Variants in MOB1B observed in about 807,000 individuals in gnomAD.
The protein encoded by MOB1B is MOB kinase activator 1B.
Under a neutral mutation model 24.4 loss-of-function variants are expected in MOB1B, and 19 were observed. That is an observed-to-expected ratio of 0.78 (90% confidence interval 0.54 to 1.14). The LOEUF is 1.14. Among genes scored for constraint, MOB1B ranks in the 50% most tolerant of loss-of-function variants. The probability of loss-of-function intolerance (pLI) is 0.00; values close to 1 mark genes in which losing one functional copy is unlikely to be tolerated. For missense variants in MOB1B, 243 were observed against 259.6 expected, an observed-to-expected ratio of 0.94 and a Z score of 0.44; for synonymous variants, 76 against 82.1, an observed-to-expected ratio of 0.93 and a Z score of 0.40.
At chr4:70,911,029 G>A (rs900190765) in intron 1 of MOB1B, among the ~76,000 whole-genome samples, 4 of 152,120 alleles carry the variant, frequency 2.6e-5, no homozygotes, top group Non-Finnish European at 4.4e-5. Context: ...CTTGTGATCC[G>A]CCCGCCTTGG....
chr4:70,961,224 T>C (rs1407298651), intron 2 of MOB1B, among the ~76,000 whole-genome samples: 3 of 152,198 alleles, frequency 2.0e-5, no homozygotes, highest in Non-Finnish European at 4.4e-5. Flanking sequence ...GAATATAGTC[T>C]CTCTCTTTCA....
chr4:70,915,996 A>G (rs995850155), intron 1 of MOB1B, among the ~76,000 whole-genome samples: 4 of 151,704 alleles, frequency 2.6e-5, no homozygotes, highest in Admixed American at 2.6e-4. Context: ...GCTGTCAGGA[A>G]TGTTTGTTAC....
At chr4:70,976,586 T>G (rs1739005761) in intron 4 of MOB1B, 3 of 985,112 alleles carry the variant, frequency 3.0e-6, no homozygotes, top group Non-Finnish European at 3.6e-6. Context: ...GCTAAGAATC[T>G]GCTCCTGTAA....
At position 70,970,022 on chromosome 4, in the gene MOB1B, A is replaced by G. The variant is rs1738694692; in HGVS notation, c.273A>G (p.Pro91=). The change falls in exon 3 of 6, where the codon CCA becomes CCG. Residue 91 remains proline (P), a splice_region_variant and synonymous_variant. Transcript: ENST00000309395. Reference sequence around the variant, plus strand: ...GTTGTCCAGTGATGTCAGCTGGCCCAAAGTAAGACATAGTTAATGATCAGT... The same window carrying G: ...GTTGTCCAGTGATGTCAGCTGGCCCGAAGTAAGACATAGTTAATGATCAGT... ...EESCPVMSAG[P]KYEYHWADGT... is the part of the protein sequence containing the mutation. The G allele has an allele frequency of 6.5e-7, 1 of 1,530,718 alleles. No homozygotes were observed. Among genetic ancestry groups the G allele is most frequent in the Non-Finnish European group, 9.0e-7 (1 of 1,114,498 alleles). The allele number at this position is 1,530,718 out of a possible 1,614,324, so 94.8% of individuals were successfully genotyped here.
upstream of MOB1B, among the ~76,000 whole-genome samples, chr4:70,902,033 G>A (rs972792131): frequency 6.6e-6 from 1 of 152,124 alleles, no homozygotes; most frequent in African/African-American, 2.4e-5. Flanking sequence ...TGACATCCCC[G>A]AGCTGAAGCC....
chr4:70,922,248 A>G (rs1384962744), intron 1 of MOB1B, among the ~76,000 whole-genome samples: 1 of 152,222 alleles, frequency 6.6e-6, no homozygotes, highest in African/African-American at 2.4e-5. Flanking sequence ...TATCACAACC[A>G]TTTCTTAGTT....
At chr4:70,957,259 CAA>C (rs1247828205) in intron 1 of MOB1B, among the ~76,000 whole-genome samples, 76 of 63,526 alleles carry the variant, frequency 1.2e-3, no homozygotes, top group African/African-American at 3.1e-3. Context: ...GACTATGTCT[CAA>C]AAAAAAAAAA....
At chr4:70,938,313 G>GC (rs1737168980) in intron 1 of MOB1B, among the ~76,000 whole-genome samples, 3 of 2,318 alleles carry the variant, frequency 1.3e-3, no homozygotes, top group East Asian at 4.8e-3. Context: ...CAGATTTGCC[G>GC]CCCCCGCCCC....
chr4:70,916,962 C>T (rs1157042046), intron 1 of MOB1B, among the ~76,000 whole-genome samples: 2 of 152,164 alleles, frequency 1.3e-5, no homozygotes, highest in Non-Finnish European at 2.9e-5. Flanking sequence ...CAGCCAATTC[C>T]ATTATAACTT....
At chr4:70,925,319 G>C (rs950845139) in intron 1 of MOB1B, among the ~76,000 whole-genome samples, 1 of 152,216 alleles carries the variant, frequency 6.6e-6, no homozygotes, top group Non-Finnish European at 1.5e-5. Flanking sequence ...TTACGGGCAT[G>C]AGCCACCATG....
chr4:70,939,920 CA>C (rs747806184), intron 1 of MOB1B, among the ~76,000 whole-genome samples: 7 of 152,164 alleles, frequency 4.6e-5, no homozygotes, highest in Admixed American at 1.3e-4. Flanking sequence ...ATGGAGGAGC[CA>C]GGGGGAGATG....
At chr4:70,913,420 C>T (rs1224008366) in intron 1 of MOB1B, among the ~76,000 whole-genome samples, 4 of 152,042 alleles carry the variant, frequency 2.6e-5, no homozygotes, top group African/African-American at 9.7e-5. Flanking sequence ...CCTCAGCCTC[C>T]CAAGTAGCAG....
At chr4:70,968,458 TGC>T (rs1738625475) in intron 2 of MOB1B, among the ~76,000 whole-genome samples, 1 of 152,090 alleles carries the variant, frequency 6.6e-6, no homozygotes, top group South Asian at 2.1e-4. Context: ...ATTACAGGCA[TGC>T]GCCACCACAC....
At chr4:70,927,973 C>T (rs1044054580) in intron 1 of MOB1B, among the ~76,000 whole-genome samples, 3 of 152,122 alleles carry the variant, frequency 2.0e-5, no homozygotes, top group African/African-American at 7.2e-5. Flanking sequence ...TGCTTTGCTC[C>T]ATCTTTCTGC....
chr4:70,954,200 A>G (rs1737935052), intron 1 of MOB1B, among the ~76,000 whole-genome samples: 2 of 152,190 alleles, frequency 1.3e-5, no homozygotes, highest in South Asian at 4.1e-4. Flanking sequence ...GCATTGCACT[A>G]CCATTTCTTT....
chr4:70,963,167 G>A (rs1560658715), intron 2 of MOB1B, among the ~76,000 whole-genome samples: 1 of 151,968 alleles, frequency 6.6e-6, no homozygotes. Context: ...CAGCAATAAG[G>A]GCTATCTAGG....
At chr4:70,914,302 TG>T (rs1736112459) in intron 1 of MOB1B, among the ~76,000 whole-genome samples, 1 of 152,254 alleles carries the variant, frequency 6.6e-6, no homozygotes, top group Admixed American at 6.5e-5. Flanking sequence ...TAAGGCAGTG[TG>T]GATATAAGGA....
At chr4:70,944,261 CTGACCTCA>C (rs996632809) in intron 1 of MOB1B, among the ~76,000 whole-genome samples, 1 of 152,218 alleles carries the variant, frequency 6.6e-6, no homozygotes, top group African/African-American at 2.4e-5. Flanking sequence ...TCTCAAACTC[CTGACCTCA>C]GGTGATCCTC....
At chr4:70,955,542 C>T (rs1738008699) in intron 1 of MOB1B, among the ~76,000 whole-genome samples, 1 of 138,782 alleles carries the variant, frequency 7.2e-6, no homozygotes. Flanking sequence ...GTGATCTCGG[C>T]TCACTGCAAC....
Sources: gnomAD v4.1 joint callset for allele counts (sites outside exome capture counted in the v4.1 genomes callset) on GRCh38, gnomAD v4.1.1 for gene constraint, MANE v1.5 for transcripts, NCBI Gene and HGNC (gene_info 2026-07-23, HGNC 2026-07-21) for gene names.